Variants in GALNT13 observed in about 807,000 individuals in gnomAD.
GALNT13 encodes UDP-GalNAc:polypeptide N-acetylgalactosaminyltransferase 13.
Under a neutral mutation model 64.2 loss-of-function variants are expected in GALNT13, and 28 were observed. That is an observed-to-expected ratio of 0.44 (90% CI 0.32 to 0.60). The LOEUF (loss-of-function observed/expected upper bound fraction) is 0.60. Ranked by LOEUF, GALNT13 falls within the 20% of genes least tolerant of loss-of-function variation. GALNT13 has a pLI of 0.05. For missense variants in GALNT13, 577 were observed against 669.8 expected, an observed-to-expected ratio of 0.86 and a Z score of 1.53; for synonymous variants, 214 against 224.6, an observed-to-expected ratio of 0.95 and a Z score of 0.42.
At chr2:153,975,747 A>G (rs965230772) in intron 3 of GALNT13, among the ~76,000 whole-genome samples, 1 of 152,144 alleles carries the variant, frequency 6.6e-6, no homozygotes, top group Non-Finnish European at 1.5e-5. Flanking sequence ...GATGATGTAT[A>G]GCTTGGTGGC....
chr2:153,718,380 C>T, the GALNT13 span, among the ~76,000 whole-genome samples: 3 of 151,630 alleles, frequency 2.0e-5, no homozygotes, highest in Middle Eastern at 7.0e-3. Context: ...CGTGTCTGTT[C>T]CTGCTCAAAG....
At chr2:153,622,365 G>C in the GALNT13 span, among the ~76,000 whole-genome samples, 3 of 152,088 alleles carry the variant, frequency 2.0e-5, no homozygotes, top group East Asian at 5.8e-4. Context: ...GCAAGAATAA[G>C]GTTATATTTT....
At chr2:154,090,289 T>C (rs988650408) in intron 3 of GALNT13, among the ~76,000 whole-genome samples, 1 of 152,144 alleles carries the variant, frequency 6.6e-6, no homozygotes, top group Non-Finnish European at 1.5e-5. Context: ...TACATCATTC[T>C]ATGGTTCCCT....
the GALNT13 span, among the ~76,000 whole-genome samples, chr2:153,297,998 A>C: frequency 3.9e-5 from 6 of 152,200 alleles, no homozygotes; most frequent in Non-Finnish European, 1.5e-5. Context: ...TCTTGCAGCT[A>C]AACTAGGCTG....
chr2:153,968,966 A>G (rs1489818828), intron 3 of GALNT13, among the ~76,000 whole-genome samples: 6 of 61,512 alleles, frequency 9.8e-5, no homozygotes, highest in Non-Finnish European at 2.1e-4. Flanking sequence ...TTCTTTTTTT[A>G]GTTTTTTCAC....
intron 9 of GALNT13, among the ~76,000 whole-genome samples, chr2:154,362,665 G>A (rs1451426923): frequency 6.6e-6 from 1 of 151,972 alleles, no homozygotes; most frequent in Non-Finnish European, 1.5e-5. Flanking sequence ...ACAAATTGTT[G>A]ACTTACAGAA....
At chr2:153,345,997 C>T in the GALNT13 span, among the ~76,000 whole-genome samples, 27 of 151,996 alleles carry the variant, frequency 1.8e-4, no homozygotes, top group African/African-American at 5.5e-4. Flanking sequence ...TTTTTTGAGA[C>T]GGAGTCTTGC....
intron 9 of GALNT13, among the ~76,000 whole-genome samples, chr2:154,321,543 G>A (rs2105163554): frequency 6.6e-6 from 1 of 152,008 alleles, no homozygotes; most frequent in Non-Finnish European, 1.5e-5. Flanking sequence ...TTCAATACTA[G>A]CAATGTAACC....
the GALNT13 span, among the ~76,000 whole-genome samples, chr2:153,610,277 A>G: frequency 6.6e-6 from 1 of 152,234 alleles, no homozygotes. Flanking sequence ...CAAAAGCTTC[A>G]TTTATTGAAA....
At chr2:154,069,600 A>G (rs1399945440) in intron 3 of GALNT13, among the ~76,000 whole-genome samples, 1 of 151,982 alleles carries the variant, frequency 6.6e-6, no homozygotes, top group Non-Finnish European at 1.5e-5. Context: ...TATTTATATG[A>G]AATTCAAAAG....
chr2:153,748,009 T>A, the GALNT13 span, among the ~76,000 whole-genome samples: 1 of 152,208 alleles, frequency 6.6e-6, no homozygotes, highest in East Asian at 1.9e-4. Flanking sequence ...ATATACTGAA[T>A]TCCTTTCTTT....
At chr2:153,398,975 G>A in the GALNT13 span, among the ~76,000 whole-genome samples, 10 of 116,176 alleles carry the variant, frequency 8.6e-5, no homozygotes, top group African/African-American at 3.1e-4. Flanking sequence ...TGCTTTTGGT[G>A]TTTTGGACAT....
chr2:153,359,056 C>T, the GALNT13 span, among the ~76,000 whole-genome samples: 1 of 151,504 alleles, frequency 6.6e-6, no homozygotes, highest in South Asian at 2.1e-4. Flanking sequence ...TATTTTAATG[C>T]ATGTAAATTA....
chr2:153,818,765 AG>A, the GALNT13 span, among the ~76,000 whole-genome samples: 3 of 152,102 alleles, frequency 2.0e-5, no homozygotes, highest in African/African-American at 7.2e-5. Context: ...TCCCCAGTAA[AG>A]GCCCACAGCA....
At chr2:153,620,119 G>C in the GALNT13 span, among the ~76,000 whole-genome samples, 1 of 151,782 alleles carries the variant, frequency 6.6e-6, no homozygotes, top group Middle Eastern at 3.4e-3. Context: ...TTAATATTCT[G>C]TAGGCATTTA....
chr2:153,167,724 C>T, the GALNT13 span, among the ~76,000 whole-genome samples: 1 of 152,158 alleles, frequency 6.6e-6, no homozygotes, highest in East Asian at 1.9e-4. Context: ...GGTTACAGAG[C>T]AAGGGGAAGG....
At chr2:154,069,229 G>A (rs544628975) in intron 3 of GALNT13, among the ~76,000 whole-genome samples, 6 of 151,690 alleles carry the variant, frequency 4.0e-5, no homozygotes, top group East Asian at 1.9e-4. Flanking sequence ...AAAGTTCTTC[G>A]GCTTGAAGGA....
chr2:153,471,423 A>G, the GALNT13 span, among the ~76,000 whole-genome samples: 1 of 151,954 alleles, frequency 6.6e-6, no homozygotes, highest in Admixed American at 6.6e-5. Context: ...CAATCATTCC[A>G]AGACTCCACA....
At chr2:153,308,793 C>G in the GALNT13 span, among the ~76,000 whole-genome samples, 1 of 151,694 alleles carries the variant, frequency 6.6e-6, no homozygotes, top group Non-Finnish European at 1.5e-5. Flanking sequence ...TATATTATGA[C>G]AGAGGATTAA....
Sources: gnomAD v4.1 joint callset for allele counts (sites outside exome capture counted in the v4.1 genomes callset) on GRCh38, gnomAD v4.1.1 for gene constraint, MANE v1.5 for transcripts, NCBI Gene and HGNC (gene_info 2026-07-23, HGNC 2026-07-21) for gene names.